GABRR3: variants seen among roughly 807,000 people sequenced by gnomAD.
The protein encoded by GABRR3 is gamma-aminobutyric acid receptor subunit rho-3.
GABRR3 carries 29 observed loss-of-function variants against 43.2 expected under a neutral mutation model. That is an observed-to-expected ratio of 0.67 (90% CI 0.50 to 0.92). The LOEUF (loss-of-function observed/expected upper bound fraction) is 0.92, where lower values mean the gene tolerates loss of function less well. Among genes scored for constraint, GABRR3 ranks in the 40% least tolerant of loss-of-function variants. The pLI, the probability that GABRR3 is intolerant of heterozygous loss-of-function variation, is 0.00. For missense variants in GABRR3, 576 were observed against 572.3 expected, an observed-to-expected ratio of 1.01 and a Z score of -0.07; for synonymous variants, 206 against 195.9, an observed-to-expected ratio of 1.05 and a Z score of -0.43.
chr3:97,997,673 C>T (rs773611839), intron 8 of GABRR3: 2 of 152,134 alleles, frequency 1.3e-5, no homozygotes, highest in African/African-American at 2.4e-5. Context: ...TATGGTGGGT[C>T]ATTGTGGGCA....
chr3:98,012,587 G>GA lies in GABRR3; in HGVS notation c.307-21dup, dbSNP rs1706808367. On this transcript the variant is annotated intron_variant, in intron 4 of 9. Transcript: ENST00000621172. The stretch of plus-strand genomic sequence containing the variant: ...AAAGTCCTAGACAGAGAGAAAAAGA[G>GA]ACCAAAAAAACCAGTAGGAATATGG... 7 of 1,538,538 alleles carry GA rather than the reference G, an allele frequency of 4.5e-6. No individual in the cohort carries two copies. The African/African-American group carries it at 6.3e-5, about 14-fold the overall frequency.
At chr3:97,995,087 T>C (rs771217407) in intron 8 of GABRR3, among the ~76,000 whole-genome samples, 1 of 152,088 alleles carries the variant, frequency 6.6e-6, no homozygotes, top group Non-Finnish European at 1.5e-5. Flanking sequence ...CAAGTGATTC[T>C]CCTGCCTCAG....
At chr3:97,986,659 GT>G (rs764527668), downstream of GABRR3, 8 of 1,429,502 alleles carry the variant, frequency 5.6e-6, no homozygotes, top group African/African-American at 1.0e-4. Context: ...TGGCTTTAAA[GT>G]TGTATACATT....
chr3:98,025,167 G>A (rs371490313), intron 3 of GABRR3, among the ~76,000 whole-genome samples: 5 of 152,170 alleles, frequency 3.3e-5, no homozygotes, highest in Admixed American at 2.0e-4. Context: ...AGCAGAGTAC[G>A]TTCAGAGGAA....
At chr3:98,012,651 A>C in intron 4 of GABRR3, 84 bp from the exon 5 acceptor site, 5 of 878,406 alleles carry the variant, frequency 5.7e-6, no homozygotes, top group East Asian at 4.9e-5. Flanking sequence ...CCCAGGACTC[A>C]TTCCTATGGT....
chr3:98,012,835 G>C (rs929938787), intron 4 of GABRR3, among the ~76,000 whole-genome samples: 3 of 152,180 alleles, frequency 2.0e-5, no homozygotes, highest in African/African-American at 7.2e-5. Context: ...TTATAAATGG[G>C]AAGCATTTCT....
At chr3:97,995,615 AAAGAATT>A (rs901820398) in intron 8 of GABRR3, among the ~76,000 whole-genome samples, 3 of 152,114 alleles carry the variant, frequency 2.0e-5, no homozygotes, top group African/African-American at 7.2e-5. Context: ...TAAAAAAAAA[AAAGAATT>A]AGAGTGGAGA....
chr3:98,017,204 CT>C (rs1296085974), intron 4 of GABRR3, among the ~76,000 whole-genome samples: 1 of 152,158 alleles, frequency 6.6e-6, no homozygotes, highest in Non-Finnish European at 1.5e-5. Context: ...TCTTTGTCCT[CT>C]GCTACTGGTT....
chr3:98,001,297 T>G, intron 8 of GABRR3: 4 of 260,008 alleles, frequency 1.5e-5, no homozygotes, highest in East Asian at 1.4e-4. Flanking sequence ...CATGGGGAGG[T>G]TTTCTTAAAA....
chr3:97,987,111 T>A, intron 9 of GABRR3, 129 bp from the exon 10 acceptor site: 1 of 662,484 alleles, frequency 1.5e-6, no homozygotes, highest in Non-Finnish European at 2.5e-6. Flanking sequence ...GATTTGTTTT[T>A]CAACTTATTT....
At chr3:98,010,538 C>T (rs1281020442) in intron 5 of GABRR3, among the ~76,000 whole-genome samples, 1 of 152,072 alleles carries the variant, frequency 6.6e-6, no homozygotes, top group Non-Finnish European at 1.5e-5. Context: ...CTGGCTTGGC[C>T]CCCGGACCCA....
intron 7 of GABRR3, 146 bp from the exon 8 acceptor site, chr3:98,001,913 C>G (rs1706649996): frequency 6.7e-6 from 5 of 748,348 alleles, no homozygotes; most frequent in Non-Finnish European, 1.1e-5. Flanking sequence ...GCCTGGCACT[C>G]CATCAACATT....
At chr3:98,016,212 T>C (rs763686870) in intron 4 of GABRR3, among the ~76,000 whole-genome samples, 3 of 152,064 alleles carry the variant, frequency 2.0e-5, no homozygotes, top group Non-Finnish European at 4.4e-5. Flanking sequence ...AGCCAAACCA[T>C]ATCAGGAGGT....
At chr3:97,987,222 G>T (rs1706399542) in intron 9 of GABRR3, among the ~76,000 whole-genome samples, 1 of 152,156 alleles carries the variant, frequency 6.6e-6, no homozygotes, top group Non-Finnish European at 1.5e-5. Context: ...TTAAACTGGG[G>T]ATGGGATAGG....
At chr3:98,022,833 G>T (rs1168955125) in intron 3 of GABRR3, among the ~76,000 whole-genome samples, 3 of 152,064 alleles carry the variant, frequency 2.0e-5, no homozygotes, top group African/African-American at 4.8e-5. Flanking sequence ...CTACGAAGTC[G>T]CCTCGGGAAA....
At chr3:98,001,520 C>T (rs1576039311) in intron 8 of GABRR3, 95 bp downstream of exon 8, 3 of 1,323,464 alleles carry the variant, frequency 2.3e-6, no homozygotes, top group East Asian at 2.4e-5. Flanking sequence ...TACTAAACCA[C>T]CACTCTCTTT....
chr3:97,993,275 T>G (rs1339543493), intron 8 of GABRR3, among the ~76,000 whole-genome samples: 1 of 152,240 alleles, frequency 6.6e-6, no homozygotes, highest in African/African-American at 2.4e-5. Flanking sequence ...CCAGAAGGTT[T>G]CCTTTCCTCC....
At chr3:98,025,747 A>G (rs1707007155) in intron 2 of GABRR3, 68 bp from the exon 3 acceptor site, 3 of 1,025,930 alleles carry the variant, frequency 2.9e-6, no homozygotes, top group East Asian at 2.5e-5. Flanking sequence ...GATTTAGGTT[A>G]GCCATCTGTG....
chr3:98,000,742 C>T (rs563842601), intron 8 of GABRR3: 11 of 152,192 alleles, frequency 7.2e-5, no homozygotes, highest in Admixed American at 3.3e-4. Context: ...ACAATCTCCT[C>T]TCTAGATAGA....
Sources: gnomAD v4.1 joint callset for allele counts (sites outside exome capture counted in the v4.1 genomes callset) on GRCh38, gnomAD v4.1.1 for gene constraint, MANE v1.5 for transcripts, NCBI Gene and HGNC (gene_info 2026-07-23, HGNC 2026-07-21) for gene names.